The following LONP2 variants were observed in gnomAD, a reference collection of about 807,000 sequenced individuals.
LONP2 encodes the protein lon peptidase 2, peroxisomal.
In LONP2, 60 loss-of-function variants were observed where a neutral mutation model predicts 85.6. That is an observed-to-expected ratio of 0.70 (90% CI 0.57 to 0.87). LONP2 has a LOEUF of 0.87. Among genes scored for constraint, LONP2 ranks in the 40% least tolerant of loss-of-function variants. LONP2 has a pLI of 0.00. For synonymous variants in LONP2, 395 were observed against 389.7 expected, an observed-to-expected ratio of 1.01 and a Z score of -0.16; for missense variants, 860 against 1,063.5, an observed-to-expected ratio of 0.81 and a Z score of 2.66.
At chr16:48,319,609 G>A (rs9926363) in intron 11 of LONP2, among the ~76,000 whole-genome samples, 31,380 of 152,020 alleles carry the variant, frequency 0.21, 3,969 homozygotes, top group African/African-American at 0.35. Context: ...TCTTATCTCT[G>A]GTAAGAGGTA....
At chr16:48,338,501 G>GAGT (rs1402688809) in intron 12 of LONP2, among the ~76,000 whole-genome samples, 1 of 152,216 alleles carries the variant, frequency 6.6e-6, no homozygotes, top group Admixed American at 6.5e-5. Context: ...TTTCTGGCCA[G>GAGT]AGTGACAGGG....
At chr16:48,265,338 T>G (rs1476120956) in intron 6 of LONP2, among the ~76,000 whole-genome samples, 1 of 152,178 alleles carries the variant, frequency 6.6e-6, no homozygotes, top group East Asian at 1.9e-4. Context: ...TCTAGGAGTT[T>G]TACAGTTTCA....
At chr16:48,282,564 TATG>T (rs1295315512) in intron 8 of LONP2, among the ~76,000 whole-genome samples, 1 of 152,190 alleles carries the variant, frequency 6.6e-6, no homozygotes, top group Non-Finnish European at 1.5e-5. Flanking sequence ...TTATATCTAT[TATG>T]ATGATCTGTT....
chr16:48,314,971 C>T (rs1270659658), intron 11 of LONP2, among the ~76,000 whole-genome samples: 2 of 152,116 alleles, frequency 1.3e-5, no homozygotes, highest in Admixed American at 6.6e-5. Flanking sequence ...TCCTTTCCAA[C>T]GTTATACCTT....
In LONP2 at chr16:48,353,886, C is replaced by T. The variant is rs1277225661; in HGVS notation, c.*2084C>T. The T allele has an allele frequency of 1.3e-5, 2 of 152,080 alleles. No homozygotes were observed. Among genetic ancestry groups the T allele is most frequent in the Admixed American group, 1.3e-4 (2 of 15,244 alleles). The allele number at this position is 152,080 out of a possible 1,614,324, so 9.4% of individuals were successfully genotyped here. On this transcript the variant is annotated 3_prime_UTR_variant, in exon 15 of 15. Coordinates refer to ENST00000285737, the MANE Select transcript of LONP2 (RefSeq NM_031490.5). ...CTTTGTAGCAGCAGGAGGGCACTTG[C>T]TTTAAGCATATCTTTCGAAAGGCAT...
chr16:48,348,427 T>A, intron 14 of LONP2, 137 bp downstream of exon 14: 4 of 360,622 alleles, frequency 1.1e-5, no homozygotes, highest in Non-Finnish European at 1.9e-5. Context: ...TGCCTGTAAC[T>A]AATTCATATT....
chr16:48,335,115 C>G (rs762718270), intron 12 of LONP2, among the ~76,000 whole-genome samples: 7 of 152,130 alleles, frequency 4.6e-5, no homozygotes, highest in Non-Finnish European at 8.8e-5. Flanking sequence ...CCATTCAGTT[C>G]CATTTTAAGG....
chr16:48,310,729 CT>C (rs1973013492), intron 11 of LONP2, among the ~76,000 whole-genome samples: 1 of 151,998 alleles, frequency 6.6e-6, no homozygotes, highest in Admixed American at 6.6e-5. Flanking sequence ...CCTTTTATTT[CT>C]TTCTTTTCCT....
At chr16:48,285,973 C>T (rs989752113) in intron 8 of LONP2, among the ~76,000 whole-genome samples, 2 of 152,120 alleles carry the variant, frequency 1.3e-5, no homozygotes, top group Non-Finnish European at 2.9e-5. Flanking sequence ...TCCCTGGCAG[C>T]TACCATTCTC....
intron 14 of LONP2, 73 bp downstream of exon 14, chr16:48,348,363 G>A (rs1597005092): frequency 4.0e-6 from 4 of 993,598 alleles, no homozygotes; most frequent in Admixed American, 7.6e-5. Context: ...TTTTAAATAC[G>A]GGTTTGCCTT....
At chr16:48,297,710 T>A (rs940357153) in intron 9 of LONP2, among the ~76,000 whole-genome samples, 43 of 151,486 alleles carry the variant, frequency 2.8e-4, no homozygotes, top group Admixed American at 1.1e-3. Context: ...TTCTGTTTGT[T>A]TTTTTTTTGA....
In LONP2 at chr16:48,261,542, G is replaced by A; in HGVS notation, c.842G>A (p.Ser281Asn). The A allele has an allele frequency of 6.2e-7, 1 of 1,606,098 alleles. No individual in the cohort carries two copies. Among genetic ancestry groups the A allele is most frequent in the Non-Finnish European group, 8.5e-7 (1 of 1,176,784 alleles). Residue 281 changes from serine (S) to asparagine (N), a missense_variant, in exon 5 of 15, where the codon AGT (serine) becomes AAT (asparagine). Ser to Asn is a conservative substitution (Grantham distance 46). This residue lies in a region of LONP2 where 743 missense variants were observed against 917.3 expected (regional missense o/e 0.81). Transcript: ENST00000285737. Reference sequence around the variant, plus strand: ...CTAGAGAAAAAAATACGAACATCTAGTATGCCAGAGCAGGCCCATAAAGTC... The same window carrying A: ...CTAGAGAAAAAAATACGAACATCTAATATGCCAGAGCAGGCCCATAAAGTC... Reference protein sequence around the residue: ...VMLEKKIRTSSMPEQAHKVCV... With the variant: ...VMLEKKIRTSNMPEQAHKVCV...
chr16:48,257,767 A>C (rs574143923), intron 3 of LONP2, among the ~76,000 whole-genome samples: 85 of 152,334 alleles, frequency 5.6e-4, no homozygotes, highest in Non-Finnish European at 9.0e-4. Context: ...TATACACAGG[A>C]ATTCAATTAA....
chr16:48,313,688 A>G (rs1445308522), intron 11 of LONP2, among the ~76,000 whole-genome samples: 1 of 152,176 alleles, frequency 6.6e-6, no homozygotes, highest in Non-Finnish European at 1.5e-5. Context: ...ATAGTATTTC[A>G]TGGTGTACAT....
Position 48,270,068 on chromosome 16 carries a change from C to T in LONP2, c.1035C>T (p.Ala345=), listed in dbSNP as rs752683895. ...TTCTTCTGGATAATGACCATTACGC[C>T]ATGGAAAAATTGAAGAAAAGAGTAC... ...ARILLDNDHY[A]MEKLKKRVLE... is the part of the protein sequence containing the mutation. Residue 345 remains alanine, a synonymous_variant, in exon 7 of 15, where the codon GCC becomes GCT. Transcript: ENST00000285737. The T allele has an allele frequency of 9.9e-6, 16 of 1,613,922 alleles. No individual in the cohort carries two copies. In the Admixed American group the frequency reaches 2.7e-4, roughly 27 times the overall value.
rs190966721 is a variant in LONP2 at position 48,262,775 on chromosome 16, C to A, written c.888-3C>A. On this transcript the variant is annotated splice_region_variant and splice_polypyrimidine_tract_variant and intron_variant, in intron 5 of 14. Coordinates refer to ENST00000285737, the MANE Select transcript of LONP2 (RefSeq NM_031490.5). ...ATGTTTGCTGTGTATTCTTTCTCCACAGACTCAAAAAAATGCCTCAGTCAA... is the reference window on the plus strand; with the variant it reads ...ATGTTTGCTGTGTATTCTTTCTCCAAAGACTCAAAAAAATGCCTCAGTCAA... 6 of 1,597,520 alleles carry A rather than the reference C, an allele frequency of 3.8e-6. No homozygotes were observed. In the Admixed American group the frequency reaches 1.0e-4, roughly 27 times the overall value.
At chr16:48,322,706 C>G (rs1487850515) in intron 11 of LONP2, among the ~76,000 whole-genome samples, 1 of 152,124 alleles carries the variant, frequency 6.6e-6, no homozygotes, top group Non-Finnish European at 1.5e-5. Flanking sequence ...GAGACTCCAC[C>G]TCTAAAAATA....
At chr16:48,334,749 T>C (rs559691313) in intron 12 of LONP2, 13 of 545,948 alleles carry the variant, frequency 2.4e-5, no homozygotes, top group South Asian at 1.9e-4. Flanking sequence ...TCAGGTAAGA[T>C]GCCCTACCTG....
intron 12 of LONP2, among the ~76,000 whole-genome samples, chr16:48,337,495 A>G (rs1959686243): frequency 6.6e-6 from 1 of 152,216 alleles, no homozygotes; most frequent in African/African-American, 2.4e-5. Context: ...ACAGGCTTAG[A>G]GTATTTAAAT....
Sources: gnomAD v4.1 joint callset for allele counts (sites outside exome capture counted in the v4.1 genomes callset) on GRCh38, gnomAD v4.1.1 for gene constraint, gnomAD v4.1.1 regional missense constraint, MANE v1.5 for transcripts, NCBI Gene and HGNC (gene_info 2026-07-23, HGNC 2026-07-21) for gene names.